Variants in ZNF284 observed in about 807,000 individuals in gnomAD.
The protein encoded by ZNF284 is zinc finger protein 284.
A neutral mutation model predicts 12.9 loss-of-function variants in ZNF284; 12 were observed. The observed-to-expected ratio is 0.93, with a 90% CI of 0.60 to 1.51. The LOEUF is 1.51. Among genes scored for constraint, ZNF284 ranks in the 40% most tolerant of loss-of-function variants. The pLI, the probability that ZNF284 is intolerant of heterozygous loss-of-function variation, is 0.00. For missense variants in ZNF284, 667 were observed against 707.3 expected (o/e 0.94, Z 0.65); for synonymous variants, 225 against 236.5 (o/e 0.95, Z 0.45).
chr19:44,084,437 G>A (rs2099848596), intron 4 of ZNF284, among the ~76,000 whole-genome samples: 2 of 152,194 alleles, frequency 1.3e-5, no homozygotes, highest in Admixed American at 6.5e-5. Context: ...GTGTGCTTGG[G>A]TGGCAGTGGC....
rs200309823 is a variant in ZNF284 at position 44,086,773 on chromosome 19, G to A, written c.1295G>A (p.Cys432Tyr). Reference protein sequence around the residue: ...REEELYKCQKCGKGYISKFNL... With the variant: ...REEELYKCQKYGKGYISKFNL... The stretch of plus-strand genomic sequence containing the variant: ...GAAGAACTGTATAAATGTCAGAAGT[G>A]TGGGAAGGGCTACATTAGTAAGTTT... Residue 432 changes from cysteine to tyrosine, a missense_variant, in exon 5 of 5, where the codon TGT becomes TAT. Coordinates refer to ENST00000421176, the MANE Select transcript of ZNF284 (RefSeq NM_001037813.4). 6.2e-7 allele frequency: 1 copy of A among 1,614,158 alleles called. No homozygotes were observed. Among genetic ancestry groups the A allele is most frequent in the Middle Eastern group, 1.6e-4 (1 of 6,062 alleles).
rs913740725 is a variant in ZNF284, at chr19:44,072,178, T to C, written c.-182T>C. ...GTTGCTGCAGTGCATTCGGTGGTAG[T>C]TTGGTGTCAGTCCTGTGTCTTGTCG... On this transcript the variant is annotated 5_prime_UTR_variant, in exon 1 of 5. Transcript: ENST00000421176. 6.6e-6 allele frequency: 1 copy of C among 152,324 alleles called. No homozygotes were observed. Among genetic ancestry groups the C allele is most frequent in the African/African-American group, 2.4e-5 (1 of 41,384 alleles). The allele number at this position is 152,324 out of a possible 1,614,324, so 9.4% of individuals were successfully genotyped here.
intron 4 of ZNF284, among the ~76,000 whole-genome samples, chr19:44,083,492 G>T (rs1346011139): frequency 0.32 from 21,771 of 68,846 alleles, 5,825 homozygotes; most frequent in Non-Finnish European, 0.51. Context: ...GAGAGAGAGA[G>T]AGAGAGAGAG....
At position 44,087,220 on chromosome 19, in the gene ZNF284, A is replaced by G. The variant is rs1967275628; in HGVS notation, c.1742A>G (p.Asn581Ser). The G allele has an allele frequency of 1.3e-6, 2 of 1,593,832 alleles. No homozygotes were observed. The highest frequency in any genetic ancestry group is 1.8e-5 in the Admixed American group (1 of 56,130). Residue 581 changes from asparagine (N) to serine (S), a missense_variant, in exon 5 of 5, where the codon AAT (asparagine) becomes AGT (serine). Asn to Ser is a conservative substitution (Grantham distance 46, BLOSUM62 1). Coordinates refer to ENST00000421176, the MANE Select transcript of ZNF284 (RefSeq NM_001037813.4). The part of the protein sequence containing the change: ...DCGKRYERRL[N>S]LDMILSLFLN... Reference sequence around the variant, plus strand: ...GGGAAGCGCTACGAGAGGCGCTTGAATCTAGATATGATTTTATCATTATTT... The same window carrying G: ...GGGAAGCGCTACGAGAGGCGCTTGAGTCTAGATATGATTTTATCATTATTT...
Position 44,086,352 on chromosome 19 carries a change from T to A in ZNF284, c.874T>A (p.Cys292Ser), listed in dbSNP as rs141608600. 119 of 1,614,180 alleles carry A rather than the reference T, an allele frequency of 7.4e-5. 1 individual carries two copies. The East Asian group carries it at 2.6e-3, about 35-fold the overall frequency. Residue 292 changes from cysteine to serine, a missense_variant, in exon 5 of 5, where the codon TGT (cysteine) becomes AGT (serine). Physicochemically the swap from Cys to Ser is moderately radical, Grantham distance 112. Transcript: ENST00000421176. ...GGAGAAGCCATTCAAATGTTATATA[T>A]GTGGTAAGAGCTTCCATAGTAGATC... ...TGEKPFKCYI[C>S]GKSFHSRSNL...
rs1967249639 is a variant in ZNF284 at position 44,086,493 on chromosome 19, A to G, written c.1015A>G (p.Lys339Glu). The G allele has an allele frequency of 6.2e-7, 1 of 1,614,080 alleles. No individual in the cohort carries two copies. Among genetic ancestry groups the G allele is most frequent in the African/African-American group, 1.3e-5 (1 of 74,918 alleles). The part of the protein sequence containing the change: ...ALNSHCMDHT[K>E]EKLYKCEECG... Reference sequence around the variant, plus strand: ...TAATAGTCATTGCATGGACCACACAAAAGAGAAACTATACAAATGTGAAGA... The same window carrying G: ...TAATAGTCATTGCATGGACCACACAGAAGAGAAACTATACAAATGTGAAGA... Residue 339 changes from lysine to glutamate, a missense_variant, in exon 5 of 5, where the codon AAA becomes GAA. Lys to Glu is a moderately conservative substitution (Grantham distance 56). Transcript: ENST00000421176.
intron 2 of ZNF284, among the ~76,000 whole-genome samples, 159 bp downstream of exon 2, chr19:44,076,563 G>A (rs1373817484): frequency 1.3e-5 from 2 of 152,052 alleles, no homozygotes; most frequent in African/African-American, 2.4e-5. Flanking sequence ...TTGAATTTGC[G>A]TTTGGATTTG....
chr19:44,073,476 G>A (rs926446541), intron 1 of ZNF284, among the ~76,000 whole-genome samples: 3 of 152,010 alleles, frequency 2.0e-5, no homozygotes, highest in Non-Finnish European at 2.9e-5. Flanking sequence ...GGAGAAATAC[G>A]AGTAGTACAA....
At chr19:44,073,425 A>C (rs1323116309) in intron 1 of ZNF284, among the ~76,000 whole-genome samples, 1 of 152,196 alleles carries the variant, frequency 6.6e-6, no homozygotes, top group African/African-American at 2.4e-5. Flanking sequence ...CAAATATTTC[A>C]CTTGTTATGC....
At chr19:44,077,891 C>T (rs2147496769) in intron 2 of ZNF284, among the ~76,000 whole-genome samples, 1 of 152,260 alleles carries the variant, frequency 6.6e-6, no homozygotes, top group East Asian at 1.9e-4. Context: ...TCCCTGACCC[C>T]TCCTCGGGGG....
chr19:44,081,666 C>T (rs1035155938), intron 3 of ZNF284, among the ~76,000 whole-genome samples: 3 of 151,870 alleles, frequency 2.0e-5, no homozygotes, highest in African/African-American at 7.3e-5. Context: ...GAGCCGAGAT[C>T]GCATCACTGC....
rs1416601566 is a variant in ZNF284 at position 44,087,817 on chromosome 19, G to GAC, written c.*558_*559insCA. ...GAGTATCGCTCTGTCGCCCAGTATG[G>GAC]AGTGCAATGGCTTGATCTCGGCTCA... On this transcript the variant is annotated 3_prime_UTR_variant, in exon 5 of 5. Coordinates refer to ENST00000421176, the MANE Select transcript of ZNF284 (RefSeq NM_001037813.4). 6.7e-6 allele frequency: 1 copy of GAC among 150,208 alleles called. No individual in the cohort carries two copies. Among genetic ancestry groups the GAC allele is most frequent in the African/African-American group, 2.5e-5 (1 of 40,628 alleles). The allele number at this position is 150,208 out of a possible 1,614,324, so 9.3% of individuals were successfully genotyped here. A position where few individuals can be genotyped will look rare whatever the true frequency, so the allele number is the denominator to read the frequency against.
intron 4 of ZNF284, among the ~76,000 whole-genome samples, chr19:44,083,502 G>GAGAGAGAGAGA (rs1568522599): frequency 7.9e-5 from 3 of 37,964 alleles, no homozygotes; most frequent in Non-Finnish European, 2.0e-4. Flanking sequence ...GAGAGAGAGA[G>GAGAGAGAGAGA]GGAATGGAAT....
rs116890647 is a variant in ZNF284 at position 44,077,745 on chromosome 19, G to A, written c.15+1341G>A. Among the ~76,000 whole-genome samples the A allele has an allele frequency of 5.0e-3, 754 of 151,870 alleles. 3 individuals are homozygous for A. The highest frequency in any genetic ancestry group is 8.4e-3 in the Non-Finnish European group (568 of 67,962). ...AGGTTCAGAGAGGAAACCTAGGGTCGGCATGTTAGCTATTTTGCTAAATTG... is the reference window on the plus strand; with the variant it reads ...AGGTTCAGAGAGGAAACCTAGGGTCAGCATGTTAGCTATTTTGCTAAATTG... On this transcript the variant is annotated intron_variant, in intron 2 of 4. Transcript: ENST00000421176.
In ZNF284 at chr19:44,085,833, A is replaced by G. The variant is rs767572721; in HGVS notation, c.355A>G (p.Ser119Gly). ...SELTRPQDSISSSQFSTQGDV... is the reference protein window; with the variant it reads ...SELTRPQDSIGSSQFSTQGDV... ...GTTAACTAGACCTCAAGACTCCATAAGTAGCTCTCAGTTCTCCACACAAGG... is the reference window on the plus strand; with the variant it reads ...GTTAACTAGACCTCAAGACTCCATAGGTAGCTCTCAGTTCTCCACACAAGG... The change falls in exon 5 of 5, where the codon AGT becomes GGT. Residue 119 changes from serine to glycine, a missense_variant. Transcript: ENST00000421176. 9.5e-6 allele frequency: 15 copies of G among 1,573,460 alleles called. No individual in the cohort carries two copies. Among genetic ancestry groups the G allele is most frequent in the Non-Finnish European group, 1.3e-5 (15 of 1,154,932 alleles).
intron 4 of ZNF284, 128 bp from the exon 5 acceptor site, chr19:44,085,586 C>T: frequency 1.2e-6 from 1 of 802,170 alleles, no homozygotes; most frequent in Non-Finnish European, 2.0e-6. Flanking sequence ...GACCGTGGTG[C>T]ACTTGGAAAA....
rs60706930 is a variant in ZNF284, at chr19:44,088,820, C to CTTTTTTTTTTTT, written c.*1564_*1575dup. 3.5e-5 allele frequency: 5 copies of CTTTTTTTTTTTT among 141,934 alleles called. No individual in the cohort carries two copies. The highest frequency in any genetic ancestry group is 4.5e-5 in the Non-Finnish European group (3 of 65,958). The allele number at this position is 141,934 out of a possible 1,614,324, so 8.8% of individuals were successfully genotyped here. On this transcript the variant is annotated 3_prime_UTR_variant, in exon 5 of 5. Coordinates refer to ENST00000421176, the MANE Select transcript of ZNF284 (RefSeq NM_001037813.4). ...CTGACCATTATTAGGCAAGAATTGG[C>CTTTTTTTTTTTT]TTTTTTTTTTTTTTTCTTTTGAGAC...
At position 44,081,984 on chromosome 19, in the gene ZNF284, T is replaced by G. The variant is rs766813463; in HGVS notation, c.143-29T>G. On this transcript the variant is annotated intron_variant, in intron 3 of 4. Transcript: ENST00000421176. ...CTAGTAAATTTTACCTAAGATGTAT[T>G]GGGATTAAGCATGTGACTTTGTTCA... is the stretch of plus-strand genomic sequence containing the variant. 8 of 1,578,120 alleles carry G rather than the reference T, an allele frequency of 5.1e-6. No individual in the cohort carries two copies. In the African/African-American group the frequency reaches 9.5e-5, roughly 19 times the overall value.
chr19:44,087,592 CTTTTTTT>C lies in ZNF284; in HGVS notation c.*352_*358del, dbSNP rs924151303. 47 of 100,268 alleles carry C rather than the reference CTTTTTTT, an allele frequency of 4.7e-4. No individual in the cohort carries two copies. Among genetic ancestry groups the C allele is most frequent in the East Asian group, 1.1e-3 (4 of 3,742 alleles). The allele number at this position is 100,268 out of a possible 1,614,324, so 6.2% of individuals were successfully genotyped here. A position where few individuals can be genotyped will look rare whatever the true frequency, so the allele number is the denominator to read the frequency against. On this transcript the variant is annotated 3_prime_UTR_variant, in exon 5 of 5. Coordinates refer to ENST00000421176, the MANE Select transcript of ZNF284 (RefSeq NM_001037813.4). ...TAATTGCTATGCCATGCTGCTTCTG[CTTTTTTT>C]TTTTTTTTTTTTTTTTTTTGAGAAC...
Sources: gnomAD v4.1 joint callset for allele counts (sites outside exome capture counted in the v4.1 genomes callset) on GRCh38, gnomAD v4.1.1 for gene constraint, MANE v1.5 for transcripts, NCBI Gene and HGNC (gene_info 2026-07-23, HGNC 2026-07-21) for gene names.